Variants in SPAG16 observed in about 807,000 individuals in gnomAD.
SPAG16 encodes the protein sperm-associated antigen 16 protein.
A neutral mutation model predicts 80.4 loss-of-function variants in SPAG16; 86 were observed. That is an observed-to-expected ratio of 1.07 (90% confidence interval 0.90 to 1.28). The LOEUF is 1.28. SPAG16 is among the 50% of genes most tolerant of loss of function. The pLI is 0.00. For synonymous variants in SPAG16, 294 were observed against 265.9 expected, an observed-to-expected ratio of 1.11 and a Z score of -1.03; for missense variants, 870 against 765.3, an observed-to-expected ratio of 1.14 and a Z score of -1.61.
intron 15 of SPAG16, among the ~76,000 whole-genome samples, chr2:214,296,329 T>C (rs530597338): frequency 6.6e-6 from 1 of 152,332 alleles, no homozygotes; most frequent in East Asian, 1.9e-4. Flanking sequence ...GACTTTGCTA[T>C]TGTGGATAGT....
chr2:214,360,339 G>GCTAT (rs1460739532), intron 15 of SPAG16, among the ~76,000 whole-genome samples: 2 of 151,768 alleles, frequency 1.3e-5, no homozygotes, highest in Non-Finnish European at 2.9e-5. Flanking sequence ...CTCTTAAATA[G>GCTAT]CTATACTCAG....
At chr2:213,603,716 G>T (rs1405067726) in intron 10 of SPAG16, among the ~76,000 whole-genome samples, 2 of 152,168 alleles carry the variant, frequency 1.3e-5, no homozygotes, top group Non-Finnish European at 2.9e-5. Context: ...AAATGATTCA[G>T]TGCTATCTTA....
intron 15 of SPAG16, among the ~76,000 whole-genome samples, chr2:214,243,384 A>G (rs1017250128): frequency 6.6e-6 from 1 of 152,116 alleles, no homozygotes; most frequent in Non-Finnish European, 1.5e-5. Context: ...AGTGTAGTTT[A>G]ATTTTAATAA....
chr2:214,317,465 G>C (rs1695772500), intron 15 of SPAG16, among the ~76,000 whole-genome samples: 1 of 152,212 alleles, frequency 6.6e-6, no homozygotes, highest in Non-Finnish European at 1.5e-5. Flanking sequence ...AGAGATGCCT[G>C]TCAGTCACTT....
At chr2:213,857,363 A>G (rs1437266489) in intron 10 of SPAG16, among the ~76,000 whole-genome samples, 1 of 152,230 alleles carries the variant, frequency 6.6e-6, no homozygotes, top group African/African-American at 2.4e-5. Context: ...GTTAGGGGCT[A>G]ATGCAGCTGG....
At chr2:213,388,251 T>G (rs552552968) in intron 9 of SPAG16, among the ~76,000 whole-genome samples, 4 of 152,334 alleles carry the variant, frequency 2.6e-5, no homozygotes, top group African/African-American at 9.6e-5. Context: ...CTACTGCTTT[T>G]TATCATAGAG....
At chr2:213,330,162 C>T (rs1243319887) in intron 5 of SPAG16, among the ~76,000 whole-genome samples, 3 of 152,184 alleles carry the variant, frequency 2.0e-5, no homozygotes, top group African/African-American at 4.8e-5. Flanking sequence ...AGCCCCCACA[C>T]AGAGTCCCTA....
chr2:214,327,519 C>T (rs1392984544), intron 15 of SPAG16, among the ~76,000 whole-genome samples: 2 of 152,314 alleles, frequency 1.3e-5, no homozygotes, highest in East Asian at 3.9e-4. Flanking sequence ...AGAATTTGAT[C>T]AGCATTTGTT....
Position 213,350,517 on chromosome 2 carries a change from A to G in SPAG16, c.645-11A>G. On this transcript the variant is annotated splice_polypyrimidine_tract_variant and intron_variant, in intron 6 of 15. Coordinates refer to ENST00000331683, the MANE Select transcript of SPAG16 (RefSeq NM_024532.5). Reference sequence around the variant, plus strand: ...AACCCCTTAAGATGCTATTGACTTTATTTTTTATAGGTTGAAGTTACATTA... The same window carrying G: ...AACCCCTTAAGATGCTATTGACTTTGTTTTTTATAGGTTGAAGTTACATTA... 1 of 1,480,498 alleles carries G rather than the reference A, an allele frequency of 6.8e-7. No homozygotes were observed. Among genetic ancestry groups the G allele is most frequent in the Non-Finnish European group, 9.1e-7 (1 of 1,094,040 alleles). The allele number at this position is 1,480,498 out of a possible 1,614,324, so 91.7% of individuals were successfully genotyped here.
intron 12 of SPAG16, among the ~76,000 whole-genome samples, chr2:213,967,526 ACTCT>A (rs2044767841): frequency 6.6e-6 from 1 of 152,100 alleles, no homozygotes; most frequent in African/African-American, 2.4e-5. Flanking sequence ...AAAGGAATAG[ACTCT>A]CTTTATTTGT....
At chr2:213,690,128 C>A (rs1201619859) in intron 10 of SPAG16, among the ~76,000 whole-genome samples, 1 of 152,188 alleles carries the variant, frequency 6.6e-6, no homozygotes, top group Admixed American at 6.5e-5. Context: ...AACATTTATA[C>A]TGGCTATTTT....
chr2:214,015,158 A>G (rs2047521320), intron 13 of SPAG16, among the ~76,000 whole-genome samples: 1 of 152,172 alleles, frequency 6.6e-6, no homozygotes, highest in African/African-American at 2.4e-5. Context: ...CTAACATCGG[A>G]AGGTGAAGTG....
intron 10 of SPAG16, among the ~76,000 whole-genome samples, chr2:213,767,138 C>T (rs774824074): frequency 6.6e-6 from 1 of 152,198 alleles, no homozygotes; most frequent in Non-Finnish European, 1.5e-5. Context: ...AGGTTCTCTT[C>T]GTTATCTTCC....
intron 15 of SPAG16, among the ~76,000 whole-genome samples, chr2:214,261,093 GCA>G (rs1203553120): frequency 6.4e-5 from 6 of 94,304 alleles, no homozygotes; most frequent in Non-Finnish European, 9.3e-5. Flanking sequence ...GGCTACAAGA[GCA>G]AGACTCAGTC....
At chr2:214,038,619 G>A (rs2048837030) in intron 13 of SPAG16, among the ~76,000 whole-genome samples, 1 of 151,492 alleles carries the variant, frequency 6.6e-6, no homozygotes, top group Admixed American at 6.6e-5. Context: ...ATATACATGT[G>A]CCATGTTGGT....
intron 10 of SPAG16, among the ~76,000 whole-genome samples, chr2:213,580,815 C>T: frequency 6.6e-6 from 1 of 152,088 alleles, no homozygotes; most frequent in African/African-American, 2.4e-5. Context: ...CATTTTAATA[C>T]AAATTTATAG....
chr2:213,887,420 G>A (rs942368550), intron 11 of SPAG16, among the ~76,000 whole-genome samples: 22 of 151,724 alleles, frequency 1.5e-4, no homozygotes, highest in Middle Eastern at 3.5e-3. Context: ...CTCTCATATC[G>A]TATTCGTCTG....
At chr2:213,455,519 A>G (rs768256897) in intron 9 of SPAG16, among the ~76,000 whole-genome samples, 1 of 152,170 alleles carries the variant, frequency 6.6e-6, no homozygotes, top group Admixed American at 6.5e-5. Context: ...ATGTCAGCCT[A>G]TGCTCCAGGT....
intron 10 of SPAG16, among the ~76,000 whole-genome samples, chr2:213,741,825 T>G (rs2067567618): frequency 6.6e-6 from 1 of 152,208 alleles, no homozygotes; most frequent in Non-Finnish European, 1.5e-5. Context: ...TATATCTACC[T>G]GTTGAATTAA....
Sources: gnomAD v4.1 joint callset for allele counts (sites outside exome capture counted in the v4.1 genomes callset) on GRCh38, gnomAD v4.1.1 for gene constraint, MANE v1.5 for transcripts, NCBI Gene and HGNC (gene_info 2026-07-23, HGNC 2026-07-21) for gene names.